MED13: variants seen among roughly 807,000 people sequenced by gnomAD.
MED13 encodes mediator of RNA polymerase II transcription subunit 13.
Under a neutral mutation model 225.2 loss-of-function variants are expected in MED13, and 23 were observed. That is an observed-to-expected ratio of 0.10 (90% CI 0.07 to 0.14). The LOEUF (loss-of-function observed/expected upper bound fraction) is 0.14. MED13 is among the 10% of genes least tolerant of loss of function. The pLI, the probability that MED13 is intolerant of heterozygous loss-of-function variation, is 1.00. For missense variants in MED13, 2,197 were observed against 2,594.5 expected (o/e 0.85, Z 3.33); for synonymous variants, 942 against 889.2 (o/e 1.06, Z -1.06).
intron 2 of MED13, among the ~76,000 whole-genome samples, chr17:62,056,937 T>C (rs558873567): frequency 1.3e-5 from 2 of 152,168 alleles, no homozygotes; most frequent in Non-Finnish European, 2.9e-5. Flanking sequence ...TAAATTTGAT[T>C]ACCATATTTT....
At chr17:62,031,309 C>A in intron 6 of MED13, 135 bp downstream of exon 6, 2 of 732,136 alleles carry the variant, frequency 2.7e-6, no homozygotes, top group Non-Finnish European at 4.2e-6. Flanking sequence ...GGAAATATGG[C>A]TAAGGAAATT....
intron 11 of MED13, among the ~76,000 whole-genome samples, chr17:61,990,939 T>C (rs1205385106): frequency 6.6e-6 from 1 of 152,028 alleles, no homozygotes; most frequent in Non-Finnish European, 1.5e-5. Context: ...GGGAAGAAAA[T>C]GACAGCAAAA....
chr17:62,023,883 T>A (rs1194287663), intron 8 of MED13, among the ~76,000 whole-genome samples: 1 of 152,216 alleles, frequency 6.6e-6, no homozygotes, highest in Non-Finnish European at 1.5e-5. Flanking sequence ...CTAATTTTTT[T>A]AAGTAAATTA....
At chr17:62,052,424 G>T in intron 3 of MED13, 113 bp downstream of exon 3, 1 of 721,452 alleles carries the variant, frequency 1.4e-6, no homozygotes, top group Non-Finnish European at 2.0e-6. Flanking sequence ...CTCTGTCACT[G>T]ACAACCTCTG....
rs2079823456 is a variant in MED13 at position 61,942,663 on chromosome 17, T to G, written c.*3805A>C. 6.6e-6 allele frequency: 1 copy of G among 152,266 alleles called. No homozygotes were observed. Among genetic ancestry groups the G allele is most frequent in the African/African-American group, 2.4e-5 (1 of 41,424 alleles). 9.4% of individuals were successfully genotyped at this position (152,266 alleles called of 1,614,324 possible). A position where few individuals can be genotyped will look rare whatever the true frequency, so the allele number is the denominator to read the frequency against. On this transcript the variant is annotated 3_prime_UTR_variant, in exon 30 of 30. Transcript: ENST00000397786. ...GTTTTGTTTTTTGTTTTTGTTTTTT[T>G]TTTTTTAAAAAGTATAAACCTTTTC...
In MED13 at chr17:61,943,306, CAATAGCATTTA is replaced by C. The variant is rs2079828461; in HGVS notation, c.*3151_*3161del. On this transcript the variant is annotated 3_prime_UTR_variant, in exon 30 of 30. Coordinates refer to ENST00000397786, the MANE Select transcript of MED13 (RefSeq NM_005121.3). The stretch of plus-strand genomic sequence containing the variant: ...TGGATGAATAGCAAATTATATGATG[CAATAGCATTTA>C]AAAACTTTTTAATCTATTCAATTTG... 1 of 152,474 alleles carries C rather than the reference CAATAGCATTTA, an allele frequency of 6.6e-6. No homozygotes were observed. The highest frequency in any genetic ancestry group is 2.4e-5 in the African/African-American group (1 of 41,422). 9.4% of individuals were successfully genotyped at this position (152,474 alleles called of 1,614,324 possible).
rs1457919736 is a variant in MED13, at chr17:61,961,073, T to C, written c.5274A>G (p.Arg1758=). 1.2e-6 allele frequency: 2 copies of C among 1,613,296 alleles called. No homozygotes were observed. The highest frequency in any genetic ancestry group is 1.3e-5 in the African/African-American group (1 of 74,902). The change falls in exon 23 of 30, where the codon CGA becomes CGG. Residue 1758 remains arginine, a synonymous_variant. Coordinates refer to ENST00000397786, the MANE Select transcript of MED13 (RefSeq NM_005121.3). ...LRSPDRPECI[R]LYAPPFILAP... Reference sequence around the variant, plus strand: ...CCAGAATAAAAGGAGGTGCATAAAGTCGAATACACTCTGGTCTCTATAAAA... The same window carrying C: ...CCAGAATAAAAGGAGGTGCATAAAGCCGAATACACTCTGGTCTCTATAAAA...
intron 8 of MED13, among the ~76,000 whole-genome samples, chr17:62,022,409 C>T (rs2080658134): frequency 6.6e-6 from 1 of 151,776 alleles, no homozygotes; most frequent in African/African-American, 2.4e-5. Context: ...AACTGTATGT[C>T]CATCAAATCC....
chr17:62,027,040 T>G (rs1342236492), intron 8 of MED13, among the ~76,000 whole-genome samples: 1 of 152,174 alleles, frequency 6.6e-6, no homozygotes. Flanking sequence ...AATGCTATTC[T>G]TATCAAACTA....
intron 28 of MED13, among the ~76,000 whole-genome samples, chr17:61,948,295 A>T (rs1023051333): frequency 1.3e-5 from 2 of 152,198 alleles, no homozygotes; most frequent in Non-Finnish European, 2.9e-5. Flanking sequence ...TCTTGTTACA[A>T]TGTATCTAAG....
chr17:61,982,284 C>T lies in MED13; in HGVS notation c.3719G>A (p.Arg1240His), dbSNP rs764794724. The change falls in exon 16 of 30, where the codon CGT (arginine) becomes CAT (histidine). Residue 1240 changes from arginine (R) to histidine (H), a missense_variant. Physicochemically the swap from Arg to His is conservative, Grantham distance 29. Coordinates refer to ENST00000397786, the MANE Select transcript of MED13 (RefSeq NM_005121.3). ...NDCYLALEHG[R>H]QFMDNMSGGK... ...TCCTGACATGTTATCCATGAACTGA[C>T]GCCCATGTTCTAATGCAAGGTAGCA... The T allele has an allele frequency of 9.9e-6, 16 of 1,614,120 alleles. No homozygotes were observed. The highest frequency in any genetic ancestry group is 6.7e-5 in the East Asian group (3 of 44,898).
rs185584417 is a variant in MED13, at chr17:61,950,292, C to T, written c.6291+533G>A. 8.2e-4 allele frequency among the ~76,000 whole-genome samples: 120 copies of T among 145,872 alleles called. 1 individual carries two copies. The highest frequency in any genetic ancestry group is 1.5e-3 in the Non-Finnish European group (98 of 65,836). The stretch of plus-strand genomic sequence containing the variant: ...GAAACAATTCTGGTCCCAAGCATTT[C>T]GAATAAGGGATACTCAATCTACACT... On this transcript the variant is annotated intron_variant, in intron 28 of 29. Transcript: ENST00000397786.
intron 20 of MED13, among the ~76,000 whole-genome samples, chr17:61,964,072 T>C (rs1016931081): frequency 6.6e-6 from 1 of 152,292 alleles, no homozygotes; most frequent in Admixed American, 6.5e-5. Context: ...CTCTAAAGCC[T>C]CTAAATAGAG....
chr17:61,996,709 G>A (rs1392019894), intron 9 of MED13, among the ~76,000 whole-genome samples: 2 of 151,994 alleles, frequency 1.3e-5, no homozygotes, highest in African/African-American at 2.4e-5. Flanking sequence ...ATGCCCACTT[G>A]CCTCAATAAT....
In MED13 at chr17:62,016,077, T is replaced by C. The variant is rs868510467; in HGVS notation, c.1284-4844A>G. 1.4e-4 allele frequency among the ~76,000 whole-genome samples: 20 copies of C among 141,524 alleles called. No individual in the cohort carries two copies. In the Middle Eastern group the frequency reaches 0.019, roughly 134 times the overall value. The allele number at this position is 141,524 out of a possible 152,430, so 92.8% of individuals were successfully genotyped here. On this transcript the variant is annotated intron_variant, in intron 8 of 29. Transcript: ENST00000397786. ...CTTCAGCCTCCCAAAGTGCTGGGAT[T>C]ACAGGCATGAGCCACTCACCCAGCC... is the stretch of plus-strand genomic sequence containing the variant.
chr17:62,052,991 A>T (rs1443240831), intron 2 of MED13, among the ~76,000 whole-genome samples: 2 of 152,202 alleles, frequency 1.3e-5, no homozygotes, highest in African/African-American at 4.8e-5. Flanking sequence ...TCCTGTATTA[A>T]TGAAAAGGAC....
intron 9 of MED13, among the ~76,000 whole-genome samples, chr17:61,998,717 G>A (rs114497509): frequency 0.013 from 1,912 of 148,422 alleles, 38 homozygotes; most frequent in African/African-American, 0.045. Flanking sequence ...CTCCCTCTTC[G>A]GCCTCCTGAG....
intron 1 of MED13, among the ~76,000 whole-genome samples, chr17:62,064,804 G>A (rs943043003): frequency 3.3e-5 from 5 of 152,158 alleles, no homozygotes; most frequent in Non-Finnish European, 5.9e-5. Flanking sequence ...AGGGATACAG[G>A]GCCAATAAGG....
intron 5 of MED13, among the ~76,000 whole-genome samples, chr17:62,032,827 C>T (rs1384267835): frequency 6.6e-6 from 1 of 152,152 alleles, no homozygotes; most frequent in Non-Finnish European, 1.5e-5. Context: ...AATGAGAGGA[C>T]ATAGAGAATA....
Sources: gnomAD v4.1 joint callset for allele counts (sites outside exome capture counted in the v4.1 genomes callset) on GRCh38, gnomAD v4.1.1 for gene constraint, MANE v1.5 for transcripts, NCBI Gene and HGNC (gene_info 2026-07-23, HGNC 2026-07-21) for gene names.